ATP6V1C2: variants seen among roughly 807,000 people sequenced by gnomAD.
The protein encoded by ATP6V1C2 is V-type proton ATPase subunit C 2.
A neutral mutation model predicts 56.8 loss-of-function variants in ATP6V1C2; 45 were observed. The observed-to-expected ratio is 0.79, with a 90% CI of 0.62 to 1.02. ATP6V1C2 has a LOEUF of 1.02. ATP6V1C2 is among the 50% of genes least tolerant of loss of function. The pLI is 0.00. For missense variants in ATP6V1C2, 463 were observed against 519.7 expected (o/e 0.89, Z 1.06); for synonymous variants, 220 against 201.3 (o/e 1.09, Z -0.79).
chr2:10,755,760 GTGCT>G (rs1663517632), intron 4 of ATP6V1C2, among the ~76,000 whole-genome samples: 1 of 152,176 alleles, frequency 6.6e-6, no homozygotes, highest in Non-Finnish European at 1.5e-5. Flanking sequence ...ATGCCTTCCT[GTGCT>G]GAGGAAGGCC....
At chr2:10,740,099 A>G (rs923288340) in intron 3 of ATP6V1C2, among the ~76,000 whole-genome samples, 2 of 151,800 alleles carry the variant, frequency 1.3e-5, no homozygotes, top group Admixed American at 6.6e-5. Flanking sequence ...AAAAAAAAAA[A>G]AAAAGAAAAG....
At chr2:10,736,170 C>T (rs1487811381) in intron 3 of ATP6V1C2, among the ~76,000 whole-genome samples, 1 of 150,980 alleles carries the variant, frequency 6.6e-6, no homozygotes, top group Non-Finnish European at 1.5e-5. Flanking sequence ...TCTACGAGTT[C>T]CCAGGTGATA....
In ATP6V1C2 at chr2:10,783,482, A is replaced by G. The variant is rs1665523928; in HGVS notation, c.*219A>G. The G allele has an allele frequency of 6.5e-6, 3 of 461,098 alleles. No individual in the cohort carries two copies. The highest frequency in any genetic ancestry group is 4.0e-5 in the East Asian group (1 of 25,244). The allele number at this position is 461,098 out of a possible 1,614,324, so 28.6% of individuals were successfully genotyped here. On this transcript the variant is annotated 3_prime_UTR_variant, in exon 14 of 14. Coordinates refer to ENST00000272238, the MANE Select transcript of ATP6V1C2 (RefSeq NM_001039362.2). ...ACAAATTCAAAACTTCATTTTCTGA[A>G]TGTTTTACATAAATGCGAACTACCT...
At position 10,750,547 on chromosome 2, in the gene ATP6V1C2, A is replaced by C. The variant is rs1457625860; in HGVS notation, c.198-3434A>C. Among the ~76,000 whole-genome samples the C allele has an allele frequency of 3.5e-4, 53 of 151,304 alleles. 1 individual carries two copies. The highest frequency in any genetic ancestry group is 1.5e-5 in the Non-Finnish European group (1 of 67,946). ...GAAAAGCAAAAAAAAAAAACAAAAC[A>C]AAACCTTCACAGAGGCTAGGACAAG... On this transcript the variant is annotated intron_variant, in intron 3 of 13. Coordinates refer to ENST00000272238, the MANE Select transcript of ATP6V1C2 (RefSeq NM_001039362.2).
Position 10,764,433 on chromosome 2 carries a change from A to G in ATP6V1C2, c.378+8A>G. The G allele has an allele frequency of 6.2e-7, 1 of 1,612,494 alleles. No individual in the cohort carries two copies. The highest frequency in any genetic ancestry group is 1.1e-5 in the South Asian group (1 of 91,054). On this transcript the variant is annotated splice_region_variant and intron_variant, in intron 5 of 13. Transcript: ENST00000272238. ...GTGGACACAATAGCCAAGGTGAGAA[A>G]AGGGACTGCTCTGGGGAACAGCTGA...
At chr2:10,735,514 C>G (rs1441462917) in intron 3 of ATP6V1C2, among the ~76,000 whole-genome samples, 5 of 151,978 alleles carry the variant, frequency 3.3e-5, no homozygotes, top group Admixed American at 3.3e-4. Context: ...AATTATATTT[C>G]TATGCACAGC....
chr2:10,778,378 C>T lies in ATP6V1C2; in HGVS notation c.964-194C>T, dbSNP rs1344117066. 1.0e-5 allele frequency: 6 copies of T among 591,648 alleles called. No individual in the cohort carries two copies. In the South Asian group the frequency reaches 1.2e-4, roughly 12 times the overall value. The allele number at this position is 591,648 out of a possible 1,614,324, so 36.6% of individuals were successfully genotyped here. ...TGCACCGGGTGGCTGGCCCGCTGAG[C>T]TTCCCCGGCACCAGGTGCCCTGGAC... On this transcript the variant is annotated intron_variant, in intron 11 of 13. Coordinates refer to ENST00000272238, the MANE Select transcript of ATP6V1C2 (RefSeq NM_001039362.2).
chr2:10,723,853 AAAAG>A (rs1389674768), intron 2 of ATP6V1C2, among the ~76,000 whole-genome samples: 2 of 134,490 alleles, frequency 1.5e-5, no homozygotes, highest in Non-Finnish European at 3.1e-5. Flanking sequence ...AAAAAAAAAA[AAAAG>A]AATGAGACAT....
At position 10,763,862 on chromosome 2, in the gene ATP6V1C2, T is replaced by G. The variant is rs2148479305; in HGVS notation, c.284-469T>G. Among the ~76,000 whole-genome samples the G allele has an allele frequency of 6.6e-6, 1 of 152,290 alleles. No homozygotes were observed. ...CAGTGTTGCTTCTTTCTGACTTCAA[T>G]TCTGGGGCTCTCTCCACCCCACACC... On this transcript the variant is annotated intron_variant, in intron 4 of 13. Coordinates refer to ENST00000272238, the MANE Select transcript of ATP6V1C2 (RefSeq NM_001039362.2). This position sits in a 1 kb window ranked among gnomAD's most constrained non-coding sequence, Gnocchi z 4.2.
chr2:10,777,375 A>G (rs1187230892), intron 10 of ATP6V1C2, among the ~76,000 whole-genome samples: 2 of 152,130 alleles, frequency 1.3e-5, no homozygotes, highest in Non-Finnish European at 2.9e-5. Flanking sequence ...ATGGAACCCA[A>G]AGACCTTAAC....
At chr2:10,721,615 G>A (rs1244624819), upstream of ATP6V1C2, 1 of 151,680 alleles carries the variant, frequency 6.6e-6, no homozygotes, top group Non-Finnish European at 1.5e-5. Flanking sequence ...AAGGCGGGGC[G>A]GGGCGCGGGG....
chr2:10,773,385 G>A (rs920374932), intron 8 of ATP6V1C2, among the ~76,000 whole-genome samples: 3 of 152,096 alleles, frequency 2.0e-5, no homozygotes, highest in Non-Finnish European at 2.9e-5. Context: ...CCAAAGCTGC[G>A]CGTTTTCCTT....
intron 4 of ATP6V1C2, among the ~76,000 whole-genome samples, 161 bp from the exon 5 acceptor site, chr2:10,764,170 G>T (rs796550987): frequency 6.6e-6 from 1 of 152,170 alleles, no homozygotes; most frequent in African/African-American, 2.4e-5. Context: ...CCCCGCTCCC[G>T]CAGGGAACGT....
intron 12 of ATP6V1C2, 71 bp downstream of exon 12, chr2:10,778,740 C>T (rs2148515292): frequency 2.1e-6 from 3 of 1,437,786 alleles, no homozygotes; most frequent in Non-Finnish European, 9.8e-7. Context: ...TATCGGGGCA[C>T]CCCAGCTCCT....
rs139957425 is a variant in ATP6V1C2 at position 10,757,818 on chromosome 2, T to C, written c.283+3752T>C. On this transcript the variant is annotated intron_variant, in intron 4 of 13. Coordinates refer to ENST00000272238, the MANE Select transcript of ATP6V1C2 (RefSeq NM_001039362.2). ...CTGCTCTTTGAGCCCGTCTGTTTTA[T>C]GGACACTGGAACCTTAAACTCCAGG... Among the ~76,000 whole-genome samples, 399 of 152,330 alleles carry C rather than the reference T, an allele frequency of 2.6e-3. 5 individuals are homozygous for C. Among genetic ancestry groups the C allele is most frequent in the African/African-American group, 8.6e-3 (356 of 41,570 alleles).
chr2:10,778,562 G>A lies in ATP6V1C2; in HGVS notation c.964-10G>A, dbSNP rs778795999. On this transcript the variant is annotated splice_polypyrimidine_tract_variant and intron_variant, in intron 11 of 13. Transcript: ENST00000272238. ...TCAGCAGGGGTCACCTGGCTCTTCT[G>A]TCTTTGCAGGGCCCCCTGCTGCGCT... is the stretch of plus-strand genomic sequence containing the variant. 3 of 1,613,880 alleles carry A rather than the reference G, an allele frequency of 1.9e-6. No individual in the cohort carries two copies. The highest frequency in any genetic ancestry group is 1.7e-6 in the Non-Finnish European group (2 of 1,179,820).
chr2:10,775,771 T>C (rs749199421), intron 10 of ATP6V1C2, among the ~76,000 whole-genome samples: 49 of 152,152 alleles, frequency 3.2e-4, no homozygotes, highest in Non-Finnish European at 6.6e-4. Flanking sequence ...GATGCTGGGC[T>C]AGGCTGGGCA....
chr2:10,743,989 AAAAAAAAAT>A (rs1194700019), intron 3 of ATP6V1C2, among the ~76,000 whole-genome samples: 7,018 of 104,158 alleles, frequency 0.067, 259 homozygotes, highest in Non-Finnish European at 0.11. Context: ...CTCAAAAAAA[AAAAAAAAAT>A]AATAATAATA....
intron 3 of ATP6V1C2, among the ~76,000 whole-genome samples, chr2:10,740,263 AT>A: frequency 6.6e-6 from 1 of 152,228 alleles, no homozygotes; most frequent in South Asian, 2.1e-4. Flanking sequence ...ACCTGGCAGG[AT>A]GATGTGTGAT....
Sources: allele counts gnomAD v4.1 joint callset (sites outside exome capture counted in the v4.1 genomes callset), GRCh38; gene constraint gnomAD v4.1.1; non-coding constraint Gnocchi (gnomAD v3.1); transcripts MANE v1.5; gene names NCBI Gene and HGNC (gene_info 2026-07-23, HGNC 2026-07-21).